The following C4BPA variants were observed in gnomAD, a reference collection of about 807,000 sequenced individuals.
C4BPA encodes the protein complement component 4 binding protein alpha.
A neutral mutation model predicts 63.7 loss-of-function variants in C4BPA; 31 were observed. That is an observed-to-expected ratio of 0.49 (90% CI 0.37 to 0.66). The LOEUF (loss-of-function observed/expected upper bound fraction) is 0.66. Among genes scored for constraint, C4BPA ranks in the 30% least tolerant of loss-of-function variants. The pLI is 0.00. For synonymous variants in C4BPA, 259 were observed against 254.7 expected (o/e 1.02, Z -0.16); for missense variants, 572 against 723.3 (o/e 0.79, Z 2.40).
At chr1:207,111,566 G>T (rs1433358344) in intron 1 of C4BPA, among the ~76,000 whole-genome samples, 1 of 152,052 alleles carries the variant, frequency 6.6e-6, no homozygotes, top group African/African-American at 2.4e-5. Flanking sequence ...AGAATGAAGG[G>T]CACTATAAAC....
intron 10 of C4BPA, among the ~76,000 whole-genome samples, chr1:207,141,595 T>G (rs1685416742): frequency 6.6e-6 from 1 of 152,206 alleles, no homozygotes; most frequent in East Asian, 1.9e-4. Context: ...TGGCAAAGTT[T>G]CCATAGAAAC....
intron 1 of C4BPA, among the ~76,000 whole-genome samples, chr1:207,112,445 A>G (rs1684688907): frequency 6.7e-6 from 1 of 149,544 alleles, no homozygotes; most frequent in African/African-American, 2.5e-5. Flanking sequence ...TTCTCACTCA[A>G]CCTCCCTGTT....
intron 4 of C4BPA, among the ~76,000 whole-genome samples, chr1:207,123,029 T>C (rs2102339493): frequency 6.6e-6 from 1 of 152,338 alleles, no homozygotes; most frequent in South Asian, 2.1e-4. Context: ...TTTCTCATTT[T>C]TATCCTCTGT....
intron 8 of C4BPA, among the ~76,000 whole-genome samples, chr1:207,133,628 T>C (rs1685212794): frequency 6.6e-6 from 1 of 152,136 alleles, no homozygotes; most frequent in South Asian, 2.1e-4. Flanking sequence ...GTGGGTGTGG[T>C]GGCACACACC....
At chr1:207,120,605 T>A (rs543038585) in intron 4 of C4BPA, among the ~76,000 whole-genome samples, 2 of 152,068 alleles carry the variant, frequency 1.3e-5, no homozygotes, top group African/African-American at 4.8e-5. Flanking sequence ...CTCTAAAGAA[T>A]AAAAAAATTT....
At chr1:207,110,544 C>T (rs1684647614) in intron 1 of C4BPA, among the ~76,000 whole-genome samples, 2 of 152,140 alleles carry the variant, frequency 1.3e-5, no homozygotes, top group Admixed American at 1.3e-4. Context: ...AATCCCAGCA[C>T]TTTGGGAGGC....
chr1:207,107,730 G>A (rs1005133212), intron 1 of C4BPA, among the ~76,000 whole-genome samples: 3 of 152,138 alleles, frequency 2.0e-5, no homozygotes, highest in Admixed American at 6.5e-5. Flanking sequence ...GGGACATAAT[G>A]GCATCAACAT....
intron 3 of C4BPA, chr1:207,114,691 A>G: frequency 4.7e-6 from 1 of 213,986 alleles, no homozygotes. Flanking sequence ...ACAGGGTTTC[A>G]CCATATTGGC....
Position 207,134,609 on chromosome 1 carries a change from T to A in C4BPA, c.1273+17T>A. On this transcript the variant is annotated intron_variant, in intron 9 of 11. Coordinates refer to ENST00000367070, the MANE Select transcript of C4BPA (RefSeq NM_000715.4). ...GTGGAGACAGTAAGAGTTCATAGAATTATCTTATTCTGGGAGTTTCTTCAT... is the reference window on the plus strand; with the variant it reads ...GTGGAGACAGTAAGAGTTCATAGAAATATCTTATTCTGGGAGTTTCTTCAT... The A allele has an allele frequency of 6.4e-7, 1 of 1,574,018 alleles. No homozygotes were observed. The highest frequency in any genetic ancestry group is 8.7e-7 in the Non-Finnish European group (1 of 1,151,938).
intron 4 of C4BPA, 141 bp from the exon 5 acceptor site, chr1:207,123,781 G>C: frequency 1.7e-6 from 1 of 601,518 alleles, no homozygotes; most frequent in South Asian, 2.2e-5. Context: ...TTACTGAATG[G>C]AGTGCTTAAT....
intron 1 of C4BPA, among the ~76,000 whole-genome samples, chr1:207,106,625 TAG>T (rs1684568650): frequency 6.7e-6 from 1 of 149,732 alleles, no homozygotes; most frequent in Admixed American, 6.7e-5. Context: ...GTCTTTTTAG[TAG>T]AGACAGGGTT....
At position 207,134,296 on chromosome 1, in the gene C4BPA, A is replaced by G. The variant is rs564326838; in HGVS notation, c.1085-108A>G. ...TTGGGTCTCCCTTTCTGTTTCCCCA[A>G]TCTCTCTTCAGTGGTGAGATCGTCC... is the stretch of plus-strand genomic sequence containing the variant. On this transcript the variant is annotated intron_variant, in intron 8 of 11. Transcript: ENST00000367070. 3.4e-5 allele frequency: 27 copies of G among 801,540 alleles called. No homozygotes were observed. The African/African-American group carries it at 3.8e-4, about 11-fold the overall frequency. The allele number at this position is 801,540 out of a possible 1,614,324, so 49.7% of individuals were successfully genotyped here.
At chr1:207,128,949 G>A (rs920931921) in intron 7 of C4BPA, among the ~76,000 whole-genome samples, 1 of 152,094 alleles carries the variant, frequency 6.6e-6, no homozygotes, top group African/African-American at 2.4e-5. Context: ...TGTTTTTGAG[G>A]GAGCCCAGAG....
At chr1:207,111,311 T>G (rs1684662997) in intron 1 of C4BPA, among the ~76,000 whole-genome samples, 1 of 152,220 alleles carries the variant, frequency 6.6e-6, no homozygotes, top group Admixed American at 6.5e-5. Flanking sequence ...CTGGATTCAT[T>G]CAGTACAAAG....
At chr1:207,141,350 T>C in intron 10 of C4BPA, 74 bp downstream of exon 10, 2 of 1,169,406 alleles carry the variant, frequency 1.7e-6, no homozygotes, top group Non-Finnish European at 2.4e-6. Flanking sequence ...GCTAAGTTTC[T>C]TCCCTGTCAG....
chr1:207,114,408 A>G, intron 3 of C4BPA, 123 bp downstream of exon 3: 1 of 677,434 alleles, frequency 1.5e-6, no homozygotes, highest in Non-Finnish European at 2.3e-6. Context: ...ATTTCAATGT[A>G]CATACTTGTG....
intron 11 of C4BPA, 95 bp downstream of exon 11, chr1:207,144,088 G>C: frequency 6.9e-6 from 6 of 865,794 alleles, no homozygotes; most frequent in Non-Finnish European, 1.0e-5. Context: ...GGTGAAATCT[G>C]ACTTGTCAGG....
chr1:207,124,923 A>C (rs1685003832), intron 6 of C4BPA, among the ~76,000 whole-genome samples: 1 of 152,240 alleles, frequency 6.6e-6, no homozygotes, highest in African/African-American at 2.4e-5. Flanking sequence ...TGGTCTGTTC[A>C]AGAAGCGGAA....
At chr1:207,120,612 A>T (rs1684903287) in intron 4 of C4BPA, among the ~76,000 whole-genome samples, 1 of 152,230 alleles carries the variant, frequency 6.6e-6, no homozygotes, top group East Asian at 1.9e-4. Flanking sequence ...GAATAAAAAA[A>T]TTTAAAAAAC....
Sources: allele counts gnomAD v4.1 joint callset (sites outside exome capture counted in the v4.1 genomes callset), GRCh38; gene constraint gnomAD v4.1.1; transcripts MANE v1.5; gene names NCBI Gene and HGNC (gene_info 2026-07-23, HGNC 2026-07-21).